RAP1A: variants seen among roughly 807,000 people sequenced by gnomAD.
RAP1A encodes RAP1A, member of RAS oncogene family.
In RAP1A, 6 loss-of-function variants were observed where a neutral mutation model predicts 26.4. The observed-to-expected ratio is 0.23, with a 90% CI of 0.12 to 0.45. RAP1A has a LOEUF of 0.45. Among genes scored for constraint, RAP1A ranks in the 20% least tolerant of loss-of-function variants. The pLI, the probability that RAP1A is intolerant of heterozygous loss-of-function variation, is 0.99. For missense variants in RAP1A, 121 were observed against 217.2 expected, an observed-to-expected ratio of 0.56 and a Z score of 2.78; for synonymous variants, 73 against 79.4, an observed-to-expected ratio of 0.92 and a Z score of 0.43.
At chr1:111,673,549 T>G (rs1369557622) in intron 1 of RAP1A, among the ~76,000 whole-genome samples, 1 of 152,228 alleles carries the variant, frequency 6.6e-6, no homozygotes, top group Non-Finnish European at 1.5e-5. Flanking sequence ...AGAGTTAGAT[T>G]ATAACTTGGA....
Position 111,663,264 on chromosome 1 carries a change from A to G in RAP1A, c.-27-28070A>G, listed in dbSNP as rs189621565. Among the ~76,000 whole-genome samples, 45 of 152,260 alleles carry G rather than the reference A, an allele frequency of 3.0e-4. No individual in the cohort carries two copies. The East Asian group carries it at 7.1e-3, about 24-fold the overall frequency. ...GTTAATTTGGGTTCCCTGGTCTCCA[A>G]CATTTCCCTCACTTCCCCCAGTGTA... On this transcript the variant is annotated intron_variant, in intron 1 of 7. Transcript: ENST00000369709.
At chr1:111,648,523 C>T in intron 1 of RAP1A, 1 of 559,630 alleles carries the variant, frequency 1.8e-6, no homozygotes, top group Non-Finnish European at 3.4e-6. Flanking sequence ...TGCCCCTCTG[C>T]CCGGGTCTGT....
intron 2 of RAP1A, among the ~76,000 whole-genome samples, chr1:111,692,262 T>C (rs1190621877): frequency 6.6e-6 from 1 of 152,112 alleles, no homozygotes; most frequent in East Asian, 1.9e-4. Flanking sequence ...AGGGAAACAG[T>C]GGAGAAGGAG....
At chr1:111,595,625 T>C (rs1394019863) in intron 1 of RAP1A, among the ~76,000 whole-genome samples, 1 of 152,196 alleles carries the variant, frequency 6.6e-6, no homozygotes, top group Non-Finnish European at 1.5e-5. Context: ...ACATCTTTAT[T>C]TTGGGCTTCC....
rs917178706 is a variant in RAP1A, at chr1:111,685,586, G to A, written c.-27-5748G>A. Among the ~76,000 whole-genome samples, 12 of 152,092 alleles carry A rather than the reference G, an allele frequency of 7.9e-5. No individual in the cohort carries two copies. In the East Asian group the frequency reaches 1.5e-3, roughly 20 times the overall value. ...AAACCACAATGAGATACCATCTCACGCCAGTTAGAATAGCGATCATTAAAA... is the reference window on the plus strand; with the variant it reads ...AAACCACAATGAGATACCATCTCACACCAGTTAGAATAGCGATCATTAAAA... On this transcript the variant is annotated intron_variant, in intron 1 of 7. Coordinates refer to ENST00000369709, the MANE Select transcript of RAP1A (RefSeq NM_002884.4).
intron 1 of RAP1A, among the ~76,000 whole-genome samples, chr1:111,587,937 G>GA (rs1557858785): frequency 6.6e-6 from 1 of 152,040 alleles, no homozygotes; most frequent in Non-Finnish European, 1.5e-5. Flanking sequence ...TGGTCAGACA[G>GA]AAAAAAAGTT....
chr1:111,555,745 A>G (rs1459120238), intron 1 of RAP1A, among the ~76,000 whole-genome samples: 3 of 152,206 alleles, frequency 2.0e-5, no homozygotes, highest in Non-Finnish European at 4.4e-5. Context: ...ACCTTATACC[A>G]TATACAAAAA....
chr1:111,599,007 A>G (rs1658615841), intron 1 of RAP1A, among the ~76,000 whole-genome samples: 1 of 152,244 alleles, frequency 6.6e-6, no homozygotes, highest in Non-Finnish European at 1.5e-5. Context: ...TATAAAGGAT[A>G]TTACCAAGCA....
At chr1:111,582,161 G>T (rs371452525) in intron 1 of RAP1A, among the ~76,000 whole-genome samples, 2 of 152,328 alleles carry the variant, frequency 1.3e-5, no homozygotes, top group East Asian at 3.9e-4. Flanking sequence ...GAGAGGGGAA[G>T]AGAGGACTGG....
intron 1 of RAP1A, among the ~76,000 whole-genome samples, chr1:111,675,287 C>G (rs942522395): frequency 1.2e-4 from 18 of 152,230 alleles, no homozygotes; most frequent in African/African-American, 4.3e-4. Context: ...CGAGACCATC[C>G]TGGCTAACAT....
At chr1:111,628,251 G>A (rs1284729056) in intron 1 of RAP1A, among the ~76,000 whole-genome samples, 1 of 152,124 alleles carries the variant, frequency 6.6e-6, no homozygotes, top group African/African-American at 2.4e-5. Context: ...TCATTTTTGT[G>A]TTTCTGTTTA....
chr1:111,619,783 G>A (rs1659111950), upstream of RAP1A: 3 of 397,700 alleles, frequency 7.5e-6, no homozygotes, highest in Non-Finnish European at 1.3e-5. Flanking sequence ...TTCTGGAGGA[G>A]GCGCCGCCGC....
At chr1:111,583,331 G>C (rs1005335669) in intron 1 of RAP1A, among the ~76,000 whole-genome samples, 1 of 150,348 alleles carries the variant, frequency 6.7e-6, no homozygotes, top group African/African-American at 2.5e-5. Context: ...TTAACCAGGC[G>C]CAATAGTTCA....
chr1:111,682,291 T>C (rs1661323940), intron 1 of RAP1A, among the ~76,000 whole-genome samples: 1 of 151,932 alleles, frequency 6.6e-6, no homozygotes, highest in Non-Finnish European at 1.5e-5. Context: ...CATCAACTAA[T>C]GTGCAAAATA....
At chr1:111,573,388 C>A (rs1326922834) in intron 1 of RAP1A, among the ~76,000 whole-genome samples, 4 of 152,166 alleles carry the variant, frequency 2.6e-5, no homozygotes, top group Non-Finnish European at 5.9e-5. Flanking sequence ...TGTGTAACCT[C>A]ACCAGCATCT....
chr1:111,654,262 A>G (rs1386399897), intron 1 of RAP1A, among the ~76,000 whole-genome samples: 2 of 152,184 alleles, frequency 1.3e-5, no homozygotes, highest in East Asian at 1.9e-4. Flanking sequence ...TAAATCATAC[A>G]AAGTGTCTAT....
chr1:111,553,735 C>G (rs929896891), intron 1 of RAP1A, among the ~76,000 whole-genome samples: 1 of 152,170 alleles, frequency 6.6e-6, no homozygotes, highest in Non-Finnish European at 1.5e-5. Flanking sequence ...TGACATTAGG[C>G]TCAAATTCCA....
At chr1:111,709,065 A>C (rs1282658489) in intron 6 of RAP1A, 84 bp from the exon 7 acceptor site, 1 of 1,457,826 alleles carries the variant, frequency 6.9e-7, no homozygotes, top group South Asian at 1.5e-5. Flanking sequence ...ATCTAAGACC[A>C]GAATAGTACT....
At chr1:111,555,381 A>AT (rs1283371985) in intron 1 of RAP1A, among the ~76,000 whole-genome samples, 2 of 150,848 alleles carry the variant, frequency 1.3e-5, no homozygotes, top group African/African-American at 4.9e-5. Flanking sequence ...AAAAAAAAAA[A>AT]AAAAAAAAAA....
Sources: gnomAD v4.1 joint callset for allele counts (sites outside exome capture counted in the v4.1 genomes callset) on GRCh38, gnomAD v4.1.1 for gene constraint, MANE v1.5 for transcripts, NCBI Gene and HGNC (gene_info 2026-07-23, HGNC 2026-07-21) for gene names.